Variants in MACIR observed in about 807,000 individuals in gnomAD.
The protein encoded by MACIR is UNC119-binding protein C5orf30.
In MACIR, 4 loss-of-function variants were observed where a neutral mutation model predicts 14.3. The ratio of observed to expected loss-of-function variants is 0.28; its 90% confidence interval spans 0.14 to 0.64. The LOEUF is 0.64. Ranked by LOEUF, MACIR falls within the 30% of genes least tolerant of loss-of-function variation. MACIR has a pLI of 0.83. For synonymous variants in MACIR, 101 were observed against 102.4 expected, an observed-to-expected ratio of 0.99 and a Z score of 0.08; for missense variants, 228 against 257.6, an observed-to-expected ratio of 0.89 and a Z score of 0.79.
At chr5:103,265,301 T>C (rs1554236655) in intron 1 of MACIR, among the ~76,000 whole-genome samples, 1 of 152,182 alleles carries the variant, frequency 6.6e-6, no homozygotes, top group African/African-American at 2.4e-5. Flanking sequence ...ATGGCTACAA[T>C]GAGTCGATAC....
chr5:103,276,179 C>A lies in MACIR; in HGVS notation c.260C>A (p.Ala87Asp), dbSNP rs1805321684. The A allele has an allele frequency of 4.3e-6, 7 of 1,613,812 alleles. No homozygotes were observed. The highest frequency in any genetic ancestry group is 5.1e-6 in the Non-Finnish European group (6 of 1,179,956). Residue 87 changes from alanine to aspartate, a missense_variant, in exon 3 of 3, where the codon GCC becomes GAC. By Grantham distance (126) the Ala-to-Asp change is moderately radical. Transcript: ENST00000319933. ...GGAGGTGAAGAGAGCAAAGCAGAAGCCATGCCATCCTTACGCTCCAAACAG... is the reference window on the plus strand; with the variant it reads ...GGAGGTGAAGAGAGCAAAGCAGAAGACATGCCATCCTTACGCTCCAAACAG... ...CTGGEESKAE[A>D]MPSLRSKQLD...
intron 2 of MACIR, among the ~76,000 whole-genome samples, chr5:103,268,699 C>G (rs1022610640): frequency 6.6e-6 from 1 of 152,204 alleles, no homozygotes; most frequent in Non-Finnish European, 1.5e-5. Context: ...AAACAGACAT[C>G]AGCAGTTTTT....
chr5:103,275,796 G>A, intron 2 of MACIR, 101 bp from the exon 3 acceptor site: 1 of 944,860 alleles, frequency 1.1e-6, no homozygotes, highest in South Asian at 1.8e-5. Flanking sequence ...CTGTCTTTCA[G>A]GCAAGTGTTA....
At chr5:103,260,755 G>A (rs1804653164) in intron 1 of MACIR, among the ~76,000 whole-genome samples, 1 of 152,142 alleles carries the variant, frequency 6.6e-6, no homozygotes, top group Non-Finnish European at 1.5e-5. Context: ...GAGTAATAAA[G>A]CTTTATGTAC....
chr5:103,266,832 T>G (rs1344086012), intron 2 of MACIR, among the ~76,000 whole-genome samples: 2 of 152,142 alleles, frequency 1.3e-5, no homozygotes, highest in East Asian at 3.8e-4. Context: ...TTCAAAGGAA[T>G]GGTAGGGAAA....
At chr5:103,269,809 G>T (rs1805062845) in intron 2 of MACIR, among the ~76,000 whole-genome samples, 1 of 152,114 alleles carries the variant, frequency 6.6e-6, no homozygotes. Context: ...CAGAATACTG[G>T]TATTGGGGTA....
intron 2 of MACIR, among the ~76,000 whole-genome samples, chr5:103,273,851 C>T (rs1227862091): frequency 5.3e-5 from 8 of 152,086 alleles, no homozygotes; most frequent in African/African-American, 1.4e-4. Flanking sequence ...CAGTAAGCTG[C>T]GTGGTGGGAC....
chr5:103,275,093 T>C (rs1192855703), intron 2 of MACIR, among the ~76,000 whole-genome samples: 1 of 152,190 alleles, frequency 6.6e-6, no homozygotes, highest in African/African-American at 2.4e-5. Context: ...GTACAACGTC[T>C]TGGGTATTGA....
At chr5:103,258,620 G>C (rs1180748671), upstream of MACIR, 2 of 152,788 alleles carry the variant, frequency 1.3e-5, no homozygotes. Context: ...CTGGGCGCAG[G>C]AGGCGGGCTC....
In MACIR at chr5:103,278,563, T is replaced by C. The variant is rs1805415673; in HGVS notation, c.*2023T>C. On this transcript the variant is annotated 3_prime_UTR_variant, in exon 3 of 3. Transcript: ENST00000319933. ...GATGTATTCATGGCAATGATATGTA[T>C]TCACCCTATTAGGAAACACAACTGG... 6.0e-6 allele frequency: 1 copy of C among 167,090 alleles called. No individual in the cohort carries two copies. The highest frequency in any genetic ancestry group is 2.4e-5 in the African/African-American group (1 of 41,466). The allele number at this position is 167,090 out of a possible 1,614,324, so 10.4% of individuals were successfully genotyped here.
chr5:103,276,948 C>G lies in MACIR; in HGVS notation c.*408C>G, dbSNP rs1805360813. ...GTACTTCTTGAATCTCTGTATTTTA[C>G]TATAAAATGTATGTAATGATTTGTT... On this transcript the variant is annotated 3_prime_UTR_variant, in exon 3 of 3. Coordinates refer to ENST00000319933, the MANE Select transcript of MACIR (RefSeq NM_033211.4). The G allele has an allele frequency of 5.9e-6, 1 of 169,640 alleles. No individual in the cohort carries two copies. Among genetic ancestry groups the G allele is most frequent in the South Asian group, 2.0e-4 (1 of 4,882 alleles). The allele number at this position is 169,640 out of a possible 1,614,324, so 10.5% of individuals were successfully genotyped here.
intron 1 of MACIR, among the ~76,000 whole-genome samples, chr5:103,261,072 G>A (rs1804665305): frequency 1.3e-5 from 2 of 152,182 alleles, no homozygotes; most frequent in African/African-American, 2.4e-5. Flanking sequence ...GAAGATATTA[G>A]TAACCTAGGT....
intron 1 of MACIR, among the ~76,000 whole-genome samples, chr5:103,260,051 GTGTGTGTGTGTGTGTGTGTGTGTGTT>G (rs782294111): frequency 0.35 from 4,444 of 12,568 alleles, 97 homozygotes; most frequent in Non-Finnish European, 0.36. Context: ...CAAGATTTCC[GTGTGTGTGTGTGTGTGTGTGTGTGTT>G]TGTGTGTGTG....
chr5:103,272,240 C>A (rs1805159292), intron 2 of MACIR, among the ~76,000 whole-genome samples: 1 of 152,124 alleles, frequency 6.6e-6, no homozygotes, highest in South Asian at 2.1e-4. Flanking sequence ...TAGTTATAGT[C>A]ACCATAGCTG....
At chr5:103,268,665 G>T (rs1259041009) in intron 2 of MACIR, among the ~76,000 whole-genome samples, 3 of 152,198 alleles carry the variant, frequency 2.0e-5, no homozygotes, top group Non-Finnish European at 2.9e-5. Context: ...CCCCAGATCA[G>T]TTAAATCACA....
intron 1 of MACIR, among the ~76,000 whole-genome samples, chr5:103,262,048 G>T (rs1297038745): frequency 2.6e-5 from 4 of 152,036 alleles, no homozygotes; most frequent in South Asian, 2.1e-4. Flanking sequence ...TACGAATTTT[G>T]TATGGACATA....
At chr5:103,269,624 G>C (rs1348267760) in intron 2 of MACIR, among the ~76,000 whole-genome samples, 3 of 152,136 alleles carry the variant, frequency 2.0e-5, no homozygotes, top group African/African-American at 7.2e-5. Context: ...AAGGCATCTA[G>C]ATCATATTTT....
At position 103,275,985 on chromosome 5, in the gene MACIR, G is replaced by A. The variant is rs1554237611; in HGVS notation, c.66G>A (p.Glu22=). 2 of 1,613,930 alleles carry A rather than the reference G, an allele frequency of 1.2e-6. No homozygotes were observed. The highest frequency in any genetic ancestry group is 1.7e-6 in the Non-Finnish European group (2 of 1,180,034). Residue 22 remains glutamate, a synonymous_variant, in exon 3 of 3, where the codon GAG becomes GAA. Transcript: ENST00000319933. ...TLTTLPFPGA[E]ANSPGKAEAE... is the part of the protein sequence containing the mutation. ...CCACCTTGCCCTTCCCTGGGGCTGA[G>A]GCCAACTCCCCGGGAAAGGCGGAGG...
intron 1 of MACIR, among the ~76,000 whole-genome samples, chr5:103,264,473 G>GATACTATATT (rs1804850740): frequency 6.6e-6 from 1 of 151,994 alleles, no homozygotes; most frequent in Non-Finnish European, 1.5e-5. Context: ...TTAGTATTGG[G>GATACTATATT]GAAATTCTTT....
Sources: gnomAD v4.1 joint callset for allele counts (sites outside exome capture counted in the v4.1 genomes callset) on GRCh38, gnomAD v4.1.1 for gene constraint, MANE v1.5 for transcripts, NCBI Gene and HGNC (gene_info 2026-07-23, HGNC 2026-07-21) for gene names.